BICRAL: variants seen among roughly 807,000 people sequenced by gnomAD.
BICRAL encodes the protein BICRA like chromatin remodeling complex associated protein.
BICRAL carries 8 observed loss-of-function variants against 91.8 expected under a neutral mutation model. That is an observed-to-expected ratio of 0.09 (90% CI 0.05 to 0.16). The LOEUF (loss-of-function observed/expected upper bound fraction) is 0.16, where lower values mean the gene tolerates loss of function less well. Ranked by LOEUF, BICRAL falls within the 10% of genes least tolerant of loss-of-function variation. BICRAL has a pLI of 1.00. For synonymous variants in BICRAL, 445 were observed against 491.1 expected (o/e 0.91, Z 1.24); for missense variants, 1,038 against 1,310.9 (o/e 0.79, Z 3.21).
At position 42,829,153 on chromosome 6, in the gene BICRAL, G is replaced by A. The variant is rs1050979811; in HGVS notation, c.820G>A (p.Val274Ile). ...SLFGNSSSSP[V>I]AQPVTVPFNS... The stretch of plus-strand genomic sequence containing the variant: ...GTTTGGGAACTCTAGTTCCAGTCCA[G>A]TAGCACAGCCTGTTACCGTTCCATT... The change falls in exon 6 of 13, where the codon GTA (valine) becomes ATA (isoleucine). Residue 274 changes from valine to isoleucine, a missense_variant. By Grantham distance (29) the Val-to-Ile change is conservative (BLOSUM62 3). This residue lies in a region of BICRAL where 532 missense variants were observed against 724.9 expected (regional missense o/e 0.73). Coordinates refer to ENST00000314073, the MANE Select transcript of BICRAL (RefSeq NM_001393499.1). The A allele has an allele frequency of 8.7e-6, 14 of 1,614,044 alleles. No individual in the cohort carries two copies. Among genetic ancestry groups the A allele is most frequent in the Non-Finnish European group, 1.1e-5 (13 of 1,179,926 alleles).
chr6:42,756,770 A>G (rs1762465718), intron 1 of BICRAL, among the ~76,000 whole-genome samples: 2 of 152,148 alleles, frequency 1.3e-5, no homozygotes, highest in South Asian at 4.1e-4. Context: ...GGAGCCTCCA[A>G]GATGGCTTCA....
chr6:42,809,430 ATTTTTTT>A (rs989054840), intron 1 of BICRAL, among the ~76,000 whole-genome samples: 6 of 111,946 alleles, frequency 5.4e-5, no homozygotes, highest in Admixed American at 9.6e-5. Context: ...AACTATGAGA[ATTTTTTT>A]TTTTTTTTTT....
intron 10 of BICRAL, 61 bp downstream of exon 10, chr6:42,857,297 C>T (rs1222237793): frequency 7.1e-7 from 1 of 1,417,038 alleles, no homozygotes; most frequent in Non-Finnish European, 9.7e-7. Flanking sequence ...ATGGACACCC[C>T]CCAGAAAAGC....
At chr6:42,770,890 C>T (rs1762709635) in intron 1 of BICRAL, among the ~76,000 whole-genome samples, 1 of 152,052 alleles carries the variant, frequency 6.6e-6, no homozygotes, top group Admixed American at 6.5e-5. Flanking sequence ...GGGGTTTCAC[C>T]ACGTTGGCCA....
intron 6 of BICRAL, among the ~76,000 whole-genome samples, chr6:42,841,581 AAC>A (rs1056967041): frequency 6.6e-5 from 10 of 152,148 alleles, no homozygotes; most frequent in African/African-American, 2.4e-4. Context: ...CCTTATGTGG[AAC>A]CGTTGTATTT....
intron 5 of BICRAL, among the ~76,000 whole-genome samples, chr6:42,823,346 T>C (rs753803962): frequency 6.6e-6 from 1 of 152,134 alleles, no homozygotes; most frequent in Non-Finnish European, 1.5e-5. Flanking sequence ...GGTCTTGAAC[T>C]CTCAGGCTCA....
Position 42,866,791 on chromosome 6 carries a change from C to A in BICRAL, c.*1345C>A, listed in dbSNP as rs779326851. The A allele has an allele frequency of 6.6e-6, 3 of 456,278 alleles. No individual in the cohort carries two copies. The highest frequency in any genetic ancestry group is 4.6e-5 in the South Asian group (3 of 64,552). 28.3% of individuals were successfully genotyped at this position (456,278 alleles called of 1,614,324 possible). A position where few individuals can be genotyped will look rare whatever the true frequency, so the allele number is the denominator to read the frequency against. Reference sequence around the variant, plus strand: ...TTGTCAGGGAGTATTCTCCGTTTTCCTTTCTCGTATACCTGCCCCAGGTTA... The same window carrying A: ...TTGTCAGGGAGTATTCTCCGTTTTCATTTCTCGTATACCTGCCCCAGGTTA... On this transcript the variant is annotated 3_prime_UTR_variant, in exon 13 of 13. Transcript: ENST00000314073.
chr6:42,757,699 T>C (rs1383421001), intron 1 of BICRAL, among the ~76,000 whole-genome samples: 1 of 152,242 alleles, frequency 6.6e-6, no homozygotes, highest in Non-Finnish European at 1.5e-5. Flanking sequence ...TTAACTCTTA[T>C]GTGGCATTTG....
At chr6:42,855,611 G>A (rs1168640279) in intron 8 of BICRAL, among the ~76,000 whole-genome samples, 2 of 152,004 alleles carry the variant, frequency 1.3e-5, no homozygotes, top group Non-Finnish European at 2.9e-5. Context: ...AGGCTTTAAA[G>A]TGCAAACTGA....
rs558730639 is a variant in BICRAL at position 42,817,148 on chromosome 6, A to G, written c.-5-4870A>G. On this transcript the variant is annotated intron_variant, in intron 2 of 12. Transcript: ENST00000314073. ...ACATTTACACACACACATCATTTAT[A>G]TGTGTGTGTGTGTGTGTGTGTGTGT... Among the ~76,000 whole-genome samples the G allele has an allele frequency of 2.4e-4, 35 of 148,398 alleles. No homozygotes were observed. In the East Asian group the frequency reaches 3.8e-3, roughly 16 times the overall value.
chr6:42,854,214 T>A (rs1765278224), intron 8 of BICRAL, among the ~76,000 whole-genome samples: 1 of 152,228 alleles, frequency 6.6e-6, no homozygotes, highest in African/African-American at 2.4e-5. Flanking sequence ...TTGGTTTTTG[T>A]TTGAGACAGG....
At chr6:42,784,955 C>CTTG (rs1763058825) in intron 1 of BICRAL, among the ~76,000 whole-genome samples, 1 of 152,116 alleles carries the variant, frequency 6.6e-6, no homozygotes, top group Non-Finnish European at 1.5e-5. Flanking sequence ...CACGTTTGGA[C>CTTG]TGTCTTGTAC....
chr6:42,845,194 T>G (rs13208584), intron 6 of BICRAL, among the ~76,000 whole-genome samples: 1 of 93,312 alleles, frequency 1.1e-5, no homozygotes, highest in African/African-American at 3.7e-5. Context: ...GTTTTTTGGG[T>G]GTTTTTTTTT....
intron 1 of BICRAL, among the ~76,000 whole-genome samples, chr6:42,802,347 T>C (rs1282813554): frequency 1.3e-5 from 2 of 152,246 alleles, no homozygotes; most frequent in African/African-American, 4.8e-5. Context: ...GCAGTTTCTA[T>C]TTAATATTCA....
chr6:42,754,706 A>G (rs556442831), intron 1 of BICRAL, among the ~76,000 whole-genome samples: 1 of 152,334 alleles, frequency 6.6e-6, no homozygotes, highest in African/African-American at 2.4e-5. Flanking sequence ...AGCCTGGGCA[A>G]CATAGTGAGA....
At chr6:42,828,457 T>A in intron 5 of BICRAL, 36 bp from the exon 6 acceptor site, 1 of 1,542,928 alleles carries the variant, frequency 6.5e-7, no homozygotes. Context: ...TTTCAAAGGT[T>A]ACATATGCCA....
intron 6 of BICRAL, among the ~76,000 whole-genome samples, 157 bp from the exon 7 acceptor site, chr6:42,851,935 T>C (rs1765196991): frequency 6.6e-6 from 1 of 152,204 alleles, no homozygotes; most frequent in South Asian, 2.1e-4. Flanking sequence ...GCAGTTCCCC[T>C]GAAGTGATAA....
chr6:42,857,614 A>AAAAAAAAAAAAAAAAAAAAATAT, intron 10 of BICRAL, among the ~76,000 whole-genome samples: 1 of 96,242 alleles, frequency 1.0e-5, no homozygotes, highest in African/African-American at 6.5e-5. Flanking sequence ...AAAAAAAAAA[A>AAAAAAAAAAAAAAAAAAAAATAT]ATATATATAT....
intron 1 of BICRAL, among the ~76,000 whole-genome samples, chr6:42,751,620 C>A (rs930549665): frequency 6.6e-6 from 1 of 151,680 alleles, no homozygotes; most frequent in Non-Finnish European, 1.5e-5. Context: ...CCAGCCACAC[C>A]CAGGCAAATA....
Sources: allele counts gnomAD v4.1 joint callset (sites outside exome capture counted in the v4.1 genomes callset), GRCh38; gene constraint gnomAD v4.1.1; regional missense constraint gnomAD v4.1.1; transcripts MANE v1.5; gene names NCBI Gene and HGNC (gene_info 2026-07-23, HGNC 2026-07-21).